FBLN2: variants seen among roughly 807,000 people sequenced by gnomAD.
FBLN2 encodes fibulin-2.
Under a neutral mutation model 123.7 loss-of-function variants are expected in FBLN2, and 81 were observed. The ratio of observed to expected loss-of-function variants is 0.65; its 90% CI spans 0.55 to 0.79. The LOEUF is 0.79. Among genes scored for constraint, FBLN2 ranks in the 30% least tolerant of loss-of-function variants. FBLN2 has a pLI of 0.00. For synonymous variants in FBLN2, 699 were observed against 701.4 expected, an observed-to-expected ratio of 1.00 and a Z score of 0.05; for missense variants, 1,603 against 1,681.3, an observed-to-expected ratio of 0.95 and a Z score of 0.81.
chr3:13,618,509 G>T (rs552044092), intron 6 of FBLN2, among the ~76,000 whole-genome samples: 3 of 152,312 alleles, frequency 2.0e-5, no homozygotes, highest in Non-Finnish European at 4.4e-5. Context: ...CCAGCACCTT[G>T]TCCCATATTC....
At chr3:13,612,561 T>C (rs1198514577) in intron 4 of FBLN2, among the ~76,000 whole-genome samples, 1 of 151,932 alleles carries the variant, frequency 6.6e-6, no homozygotes, top group African/African-American at 2.4e-5. Context: ...TTTTGTATTT[T>C]TAGTAGAGAC....
chr3:13,576,270 C>T (rs1704143119), intron 2 of FBLN2, among the ~76,000 whole-genome samples: 1 of 152,240 alleles, frequency 6.6e-6, no homozygotes, highest in Non-Finnish European at 1.5e-5. Flanking sequence ...ACACTGCTGA[C>T]ACTGCAGAGC....
chr3:13,593,091 G>A (rs1281506406), intron 2 of FBLN2, among the ~76,000 whole-genome samples: 1 of 152,188 alleles, frequency 6.6e-6, no homozygotes, highest in African/African-American at 2.4e-5. Context: ...ACATAGTCAC[G>A]AGGTCAGCCC....
chr3:13,637,123 C>G (rs989353718), intron 17 of FBLN2, among the ~76,000 whole-genome samples: 4 of 152,178 alleles, frequency 2.6e-5, no homozygotes, highest in African/African-American at 4.8e-5. Flanking sequence ...AACCTCAGAA[C>G]TGACAGACCG....
rs1267561141 is a variant in FBLN2 at position 13,618,113 on chromosome 3, A to G, written c.1767A>G (p.Ser589=). 2.5e-6 allele frequency: 4 copies of G among 1,613,474 alleles called. No individual in the cohort carries two copies. The highest frequency in any genetic ancestry group is 1.7e-5 in the Admixed American group (1 of 60,038). ...EAEMAGREAL[S]LGTEAELPNS... is the part of the protein sequence containing the mutation. ...AGATGGCGGGCCGAGAGGCCCTGTC[A>G]CTGGGCACAGAGGCCGAGCTGCCGA... is the stretch of plus-strand genomic sequence containing the variant. Residue 589 remains serine, a synonymous_variant, in exon 6 of 18, where the codon TCA becomes TCG. Transcript: ENST00000404922.
rs760982813 is a variant in FBLN2 at position 13,636,578 on chromosome 3, C to T, written c.3338+10C>T. The stretch of plus-strand genomic sequence containing the variant: ...TCCAAGTCTCCAAAACGTGAGTGTC[C>T]CCACCCCAGTCCCAGTCCCAGGGAG... On this transcript the variant is annotated intron_variant, in intron 17 of 17. Coordinates refer to ENST00000404922, the MANE Select transcript of FBLN2 (RefSeq NM_001004019.2). 6.2e-7 allele frequency: 1 copy of T among 1,612,122 alleles called. No homozygotes were observed.
At chr3:13,568,788 A>T in intron 1 of FBLN2, 2 of 985,674 alleles carry the variant, frequency 2.0e-6, no homozygotes, top group South Asian at 9.4e-5. Flanking sequence ...CCTGGCGTTC[A>T]GTTCTCTACA....
chr3:13,635,313 A>G (rs1425748896), intron 16 of FBLN2, among the ~76,000 whole-genome samples: 6 of 151,906 alleles, frequency 3.9e-5, no homozygotes, highest in Non-Finnish European at 8.8e-5. Flanking sequence ...TGAGCAGCTC[A>G]TCCTCAAAGT....
chr3:13,618,864 AG>A, intron 6 of FBLN2, 39 bp from the exon 7 acceptor site: 1 of 1,521,622 alleles, frequency 6.6e-7, no homozygotes, highest in Non-Finnish European at 9.0e-7. Flanking sequence ...TGAAGACCTG[AG>A]ACCTCCCTGC....
rs1703522219 is a variant in FBLN2 at position 13,558,624 on chromosome 3, T to C, written c.-42+9416T>C. 2.6e-5 allele frequency among the ~76,000 whole-genome samples: 4 copies of C among 152,074 alleles called. No individual in the cohort carries two copies. The South Asian group carries it at 8.3e-4, about 32-fold the overall frequency. ...CTCGGGCCATACGGATTAATTAATC[T>C]ACCCCTCTCCACTCACCCACCCATC... On this transcript the variant is annotated intron_variant, in intron 1 of 17. Transcript: ENST00000404922.
At chr3:13,630,076 C>A (rs1399866888) in intron 14 of FBLN2, 131 bp downstream of exon 14, 1 of 1,316,296 alleles carries the variant, frequency 7.6e-7, no homozygotes, top group East Asian at 2.5e-5. Context: ...CCCATGCTGG[C>A]CCTTCCTTCC....
intron 2 of FBLN2, among the ~76,000 whole-genome samples, chr3:13,605,122 G>GAA (rs1705160598): frequency 6.6e-6 from 1 of 152,180 alleles, no homozygotes; most frequent in Non-Finnish European, 1.5e-5. Context: ...GCACTCATCT[G>GAA]TTACTTGTTG....
chr3:13,586,328 G>A (rs1173425096), intron 2 of FBLN2, among the ~76,000 whole-genome samples: 1 of 151,578 alleles, frequency 6.6e-6, no homozygotes, highest in Non-Finnish European at 1.5e-5. Flanking sequence ...GGGATTACAG[G>A]TGCCCGCCAC....
At chr3:13,565,129 T>C (rs1285155852) in intron 1 of FBLN2, among the ~76,000 whole-genome samples, 1 of 152,158 alleles carries the variant, frequency 6.6e-6, no homozygotes, top group Non-Finnish European at 1.5e-5. Context: ...TGGCTGAATG[T>C]CTCTCCGCCC....
chr3:13,625,098 G>GTGGTTTCTGAGT (rs1386251160), intron 9 of FBLN2, among the ~76,000 whole-genome samples: 1 of 151,542 alleles, frequency 6.6e-6, no homozygotes, highest in Non-Finnish European at 1.5e-5. Flanking sequence ...GTGGCCTGGG[G>GTGGTTTCTGAGT]TGGTTTCTGA....
Position 13,549,154 on chromosome 3 carries a change from G to A in FBLN2, c.-96G>A, listed in dbSNP as rs970388944. Reference sequence around the variant, plus strand: ...ACAGCCAGGGGCCGCCCGGGCTCTCGACGCGCCGACGGCCGGGCGGACGGA... The same window carrying A: ...ACAGCCAGGGGCCGCCCGGGCTCTCAACGCGCCGACGGCCGGGCGGACGGA... On this transcript the variant is annotated 5_prime_UTR_variant, in exon 1 of 18. Transcript: ENST00000404922. 2.2e-5 allele frequency: 22 copies of A among 982,632 alleles called. No individual in the cohort carries two copies. Among genetic ancestry groups the A allele is most frequent in the South Asian group, 1.4e-4 (3 of 21,280 alleles). The allele number at this position is 982,632 out of a possible 1,614,324, so 60.9% of individuals were successfully genotyped here. A position where few individuals can be genotyped will look rare whatever the true frequency, so the allele number is the denominator to read the frequency against.
At chr3:13,611,276 CAT>C (rs1190540608) in intron 4 of FBLN2, among the ~76,000 whole-genome samples, 2 of 152,192 alleles carry the variant, frequency 1.3e-5, no homozygotes, top group Admixed American at 1.3e-4. Context: ...GTGAAATACA[CAT>C]GATGTAAAAT....
intron 4 of FBLN2, among the ~76,000 whole-genome samples, chr3:13,613,434 T>C (rs942142130): frequency 6.6e-6 from 1 of 152,258 alleles, no homozygotes; most frequent in African/African-American, 2.4e-5. Flanking sequence ...TCTACATCTT[T>C]AGGAACCTAG....
At chr3:13,623,302 C>T (rs936044151) in intron 9 of FBLN2, among the ~76,000 whole-genome samples, 9 of 152,222 alleles carry the variant, frequency 5.9e-5, no homozygotes, top group African/African-American at 1.9e-4. Context: ...TGCCTGAGTA[C>T]GCAGGCTTGT....
Sources: allele counts gnomAD v4.1 joint callset (sites outside exome capture counted in the v4.1 genomes callset), GRCh38; gene constraint gnomAD v4.1.1; transcripts MANE v1.5; gene names NCBI Gene and HGNC (gene_info 2026-07-23, HGNC 2026-07-21).